Variants in CDH18 observed in about 807,000 individuals in gnomAD.
CDH18 encodes the protein cadherin-18.
Under a neutral mutation model 67.9 loss-of-function variants are expected in CDH18, and 31 were observed. The observed-to-expected ratio is 0.46, with a 90% confidence interval of 0.34 to 0.62. The LOEUF is 0.62. Among genes scored for constraint, CDH18 ranks in the 20% least tolerant of loss-of-function variants. The probability of loss-of-function intolerance (pLI) is 0.01; values close to 1 mark genes in which losing one functional copy is unlikely to be tolerated. For missense variants in CDH18, 890 were observed against 975.5 expected (o/e 0.91, Z 1.17); for synonymous variants, 362 against 347.2 (o/e 1.04, Z -0.48).
intron 1 of CDH18, among the ~76,000 whole-genome samples, chr5:20,375,019 G>A (rs935916737): frequency 1.2e-4 from 18 of 152,162 alleles, no homozygotes; most frequent in African/African-American, 4.3e-4. Flanking sequence ...TTTAAATATT[G>A]TTTAGTTACA....
At chr5:19,554,130 G>T (rs1737957193) in intron 8 of CDH18, among the ~76,000 whole-genome samples, 3 of 152,106 alleles carry the variant, frequency 2.0e-5, no homozygotes. Context: ...GTGCTTAATA[G>T]GATGGACAGC....
At chr5:20,335,397 T>C (rs116542077) in intron 1 of CDH18, among the ~76,000 whole-genome samples, 1 of 152,064 alleles carries the variant, frequency 6.6e-6, no homozygotes, top group Non-Finnish European at 1.5e-5. Context: ...TTATTATTAT[T>C]GTATTGTTGT....
intron 2 of CDH18, among the ~76,000 whole-genome samples, chr5:20,112,761 C>T (rs1747587361): frequency 6.6e-6 from 1 of 152,114 alleles, no homozygotes; most frequent in Non-Finnish European, 1.5e-5. Flanking sequence ...CCATAATGCT[C>T]ATTATTCATA....
At position 19,728,603 on chromosome 5, in the gene CDH18, A is replaced by G. The variant is rs541716309; in HGVS notation, c.524-7137T>C. ...TAGACACATATCAATGAGAGGCAGA[A>G]AGAGTAGACTTCCTGGTAAGTTTCT... is the stretch of plus-strand genomic sequence containing the variant. On this transcript the variant is annotated intron_variant, in intron 4 of 12. Transcript: ENST00000382275. 2.0e-5 allele frequency among the ~76,000 whole-genome samples: 3 copies of G among 152,294 alleles called. No homozygotes were observed. The South Asian group carries it at 6.2e-4, about 32-fold the overall frequency.
chr5:19,701,472 T>C (rs1159606851), intron 5 of CDH18, among the ~76,000 whole-genome samples: 3 of 152,118 alleles, frequency 2.0e-5, no homozygotes, highest in Admixed American at 2.0e-4. Flanking sequence ...TTTAGTCTCC[T>C]AAGACACAGA....
At chr5:20,339,448 G>A (rs768036219) in intron 1 of CDH18, among the ~76,000 whole-genome samples, 1 of 152,068 alleles carries the variant, frequency 6.6e-6, no homozygotes, top group African/African-American at 2.4e-5. Flanking sequence ...CATTGACTCA[G>A]CCCTACTAGC....
chr5:19,504,965 T>C (rs1743862699), intron 10 of CDH18, among the ~76,000 whole-genome samples: 2 of 152,140 alleles, frequency 1.3e-5, no homozygotes, highest in African/African-American at 4.8e-5. Flanking sequence ...TACAAATTAT[T>C]TTAATTATTT....
intron 1 of CDH18, among the ~76,000 whole-genome samples, chr5:20,454,128 G>T (rs776276925): frequency 1.3e-5 from 2 of 152,046 alleles, no homozygotes; most frequent in Non-Finnish European, 2.9e-5. Context: ...ATTTGCCTAG[G>T]CCAAAGGCAA....
intron 1 of CDH18, among the ~76,000 whole-genome samples, chr5:20,476,512 T>A (rs75366706): frequency 0.014 from 2,123 of 152,284 alleles, 58 homozygotes; most frequent in African/African-American, 0.048. Context: ...CTAAAGCCAA[T>A]TGAGTTGAAT....
At chr5:19,702,626 T>A (rs1763416768) in intron 5 of CDH18, among the ~76,000 whole-genome samples, 1 of 151,842 alleles carries the variant, frequency 6.6e-6, no homozygotes, top group Non-Finnish European at 1.5e-5. Flanking sequence ...ATTAGCTGGG[T>A]CTGTAGTGGC....
At chr5:19,991,188 C>CTA (rs1799960803), upstream of CDH18, among the ~76,000 whole-genome samples, 3 of 152,068 alleles carry the variant, frequency 2.0e-5, no homozygotes, top group Non-Finnish European at 4.4e-5. Context: ...GAAAATTTAG[C>CTA]AAGTTATGTG....
chr5:20,509,003 C>T (rs2471143), intron 1 of CDH18, among the ~76,000 whole-genome samples: 71,629 of 151,784 alleles, frequency 0.47, 17,140 homozygotes, highest in East Asian at 0.56. Context: ...TTGTGTAAGA[C>T]ATAACATTTT....
chr5:20,422,501 T>C (rs1016602197), intron 1 of CDH18, among the ~76,000 whole-genome samples: 12 of 151,106 alleles, frequency 7.9e-5, no homozygotes, highest in South Asian at 2.1e-4. Context: ...TAATGTAAGA[T>C]AAATGTGTTG....
chr5:19,887,964 C>T (rs1354244251), intron 2 of CDH18, among the ~76,000 whole-genome samples: 1 of 152,002 alleles, frequency 6.6e-6, no homozygotes, highest in Non-Finnish European at 1.5e-5. Context: ...GTCAAAAAGG[C>T]CATGCATACA....
At chr5:20,301,842 G>C (rs1403415307) in intron 1 of CDH18, among the ~76,000 whole-genome samples, 2 of 119,574 alleles carry the variant, frequency 1.7e-5, no homozygotes, top group Non-Finnish European at 3.2e-5. Flanking sequence ...ATCTAGAATT[G>C]AAATTGTAAA....
chr5:20,001,398 A>G (rs1480475518), intron 2 of CDH18, among the ~76,000 whole-genome samples: 1 of 152,088 alleles, frequency 6.6e-6, no homozygotes, highest in Non-Finnish European at 1.5e-5. Context: ...AATAAATGCT[A>G]TTTATATTAC....
intron 8 of CDH18, among the ~76,000 whole-genome samples, chr5:19,570,990 ATTCAGAGTTTT>A (rs1459773754): frequency 2.0e-5 from 3 of 152,228 alleles, no homozygotes. Flanking sequence ...ATTTTCCTGT[ATTCAGAGTTTT>A]TTGCACCCTA....
intron 2 of CDH18, among the ~76,000 whole-genome samples, chr5:19,930,841 ACAGT>A (rs1391084778): frequency 4.6e-5 from 7 of 152,062 alleles, no homozygotes; most frequent in Admixed American, 4.6e-4. Context: ...AAATCAAGAA[ACAGT>A]CAAACTAAAT....
intron 5 of CDH18, among the ~76,000 whole-genome samples, chr5:19,661,550 G>A (rs1293746412): frequency 6.6e-6 from 1 of 151,798 alleles, no homozygotes; most frequent in Non-Finnish European, 1.5e-5. Context: ...AAGATAATTA[G>A]TAAAGTAAGA....
Sources: allele counts gnomAD v4.1 joint callset (sites outside exome capture counted in the v4.1 genomes callset), GRCh38; gene constraint gnomAD v4.1.1; transcripts MANE v1.5; gene names NCBI Gene and HGNC (gene_info 2026-07-23, HGNC 2026-07-21).